The following ANKHD1 variants were observed in gnomAD, a reference collection of about 807,000 sequenced individuals.
The protein encoded by ANKHD1 is ankyrin repeat and KH domain containing 1.
Under a neutral mutation model 230.5 loss-of-function variants are expected in ANKHD1, and 31 were observed. That is an observed-to-expected ratio of 0.13 (90% CI 0.10 to 0.18). The LOEUF (loss-of-function observed/expected upper bound fraction) is 0.18. Among genes scored for constraint, ANKHD1 ranks in the 10% least tolerant of loss-of-function variants. ANKHD1 has a pLI of 1.00. For missense variants in ANKHD1, 2,256 were observed against 3,071.3 expected (o/e 0.73, Z 6.27); for synonymous variants, 1,074 against 1,117.6 (o/e 0.96, Z 0.78).
chr5:140,478,525 A>C (rs1225286724), intron 10 of ANKHD1, among the ~76,000 whole-genome samples: 1 of 152,138 alleles, frequency 6.6e-6, no homozygotes, highest in Non-Finnish European at 1.5e-5. Flanking sequence ...ATCAAAATTG[A>C]CTCTAGAATA....
intron 10 of ANKHD1, among the ~76,000 whole-genome samples, chr5:140,470,200 A>G (rs1311532619): frequency 2.0e-5 from 3 of 152,026 alleles, no homozygotes; most frequent in Non-Finnish European, 4.4e-5. Context: ...AAATTCTTTC[A>G]TTATACTTAA....
intron 1 of ANKHD1, among the ~76,000 whole-genome samples, chr5:140,405,524 A>G (rs1181676086): frequency 6.6e-6 from 1 of 152,182 alleles, no homozygotes; most frequent in Non-Finnish European, 1.5e-5. Flanking sequence ...ATTGCCTTTG[A>G]ATTTTCAGTG....
chr5:140,417,071 C>T (rs1433142755), intron 1 of ANKHD1, among the ~76,000 whole-genome samples: 3 of 152,058 alleles, frequency 2.0e-5, no homozygotes, highest in Non-Finnish European at 4.4e-5. Flanking sequence ...CTGATGTTCT[C>T]CCTGAAGCCA....
Position 140,485,397 on chromosome 5 carries a change from AACACAC to A in ANKHD1, c.1999-167_1999-162del, listed in dbSNP as rs55859898. ...CATAAGGAGACCCCATCTCTATTAA[AACACAC>A]ACACACACACACACACACACACACG... On this transcript the variant is annotated intron_variant, in intron 12 of 33. Transcript: ENST00000360839. The surrounding 1 kb of genome is among the most constrained non-coding windows in gnomAD (Gnocchi z 4.8). The A allele has an allele frequency of 3.2e-5, 21 of 665,798 alleles. No homozygotes were observed. Among genetic ancestry groups the A allele is most frequent in the South Asian group, 5.6e-5 (2 of 35,488 alleles). The allele number at this position is 665,798 out of a possible 1,614,324, so 41.2% of individuals were successfully genotyped here. A position where few individuals can be genotyped will look rare whatever the true frequency, so the allele number is the denominator to read the frequency against.
intron 15 of ANKHD1, among the ~76,000 whole-genome samples, chr5:140,501,993 A>T (rs1282897803): frequency 6.6e-6 from 1 of 151,758 alleles, no homozygotes; most frequent in East Asian, 1.9e-4. Context: ...CATGAGGCCA[A>T]GAGTTCAAGA....
chr5:140,468,540 TCTTATG>T (rs1776273446), intron 10 of ANKHD1, among the ~76,000 whole-genome samples: 1 of 152,180 alleles, frequency 6.6e-6, no homozygotes, highest in Non-Finnish European at 1.5e-5. Flanking sequence ...AAGAAAAATA[TCTTATG>T]GATCAGTTTA....
At chr5:140,433,065 A>AAAAAAAAC in intron 1 of ANKHD1, among the ~76,000 whole-genome samples, 1 of 137,250 alleles carries the variant, frequency 7.3e-6, no homozygotes, top group African/African-American at 2.8e-5. Context: ...CCCCCCCCCA[A>AAAAAAAAC]AAAAAAAACG....
intron 14 of ANKHD1, among the ~76,000 whole-genome samples, chr5:140,491,366 T>C (rs1346510155): frequency 2.6e-5 from 4 of 151,400 alleles, no homozygotes; most frequent in African/African-American, 9.7e-5. Context: ...GGTTTTGCCA[T>C]GTTGCCCAGG....
chr5:140,488,731 C>G (rs1286757256), intron 14 of ANKHD1, among the ~76,000 whole-genome samples: 1 of 152,032 alleles, frequency 6.6e-6, no homozygotes, highest in Non-Finnish European at 1.5e-5. Context: ...GAAATCCCAT[C>G]TCTACTAAAA....
chr5:140,421,296 CTTTTTTTTT>C (rs35408466), intron 1 of ANKHD1, among the ~76,000 whole-genome samples: 5 of 94,526 alleles, frequency 5.3e-5, no homozygotes, highest in African/African-American at 1.9e-4. Flanking sequence ...AGAGTTTTTA[CTTTTTTTTT>C]TTTTTTTTTT....
intron 31 of ANKHD1, 66 bp from the exon 32 acceptor site, chr5:140,538,020 C>T (rs1489721454): frequency 9.8e-6 from 15 of 1,537,820 alleles, no homozygotes; most frequent in African/African-American, 4.1e-5. Flanking sequence ...TTGGTAATAA[C>T]AATGGTAATG....
At position 140,527,319 on chromosome 5, in the gene ANKHD1, A is replaced by G; in HGVS notation, c.5087+245A>G. 1 of 382,364 alleles carries G rather than the reference A, an allele frequency of 2.6e-6. No individual in the cohort carries two copies. Among genetic ancestry groups the G allele is most frequent in the Non-Finnish European group, 4.5e-6 (1 of 220,944 alleles). 23.7% of individuals were successfully genotyped at this position (382,364 alleles called of 1,614,324 possible). On this transcript the variant is annotated intron_variant, in intron 27 of 33. Coordinates refer to ENST00000360839, the MANE Select transcript of ANKHD1 (RefSeq NM_017747.3). The surrounding 1 kb of genome is among the most constrained non-coding windows in gnomAD (Gnocchi z 4.5). ...CTCAGTTGCTTTTTATGTAGTTCAA[A>G]TGTAAAGGCTTTCTCTTGCTTTTTT...
intron 7 of ANKHD1, among the ~76,000 whole-genome samples, chr5:140,456,075 CAGAG>C (rs1775161315): frequency 6.6e-6 from 1 of 152,112 alleles, no homozygotes; most frequent in Non-Finnish European, 1.5e-5. Flanking sequence ...CAATAACAGA[CAGAG>C]AGCCAAATCA....
chr5:140,462,674 G>A (rs77280862), intron 9 of ANKHD1, among the ~76,000 whole-genome samples: 2 of 130,428 alleles, frequency 1.5e-5, no homozygotes, highest in East Asian at 5.2e-4. Context: ...GCAGTGAGCC[G>A]AGATGGTGCC....
At chr5:140,494,673 A>T (rs940916207) in intron 14 of ANKHD1, among the ~76,000 whole-genome samples, 3 of 151,396 alleles carry the variant, frequency 2.0e-5, no homozygotes, top group Non-Finnish European at 4.4e-5. Context: ...TGAATCTCTA[A>T]TTTTTTTTTC....
chr5:140,446,794 T>C (rs930331794), intron 6 of ANKHD1, among the ~76,000 whole-genome samples: 2 of 152,220 alleles, frequency 1.3e-5, no homozygotes, highest in African/African-American at 4.8e-5. Context: ...AACATATATA[T>C]ATTTTAAACA....
chr5:140,538,822 G>A (rs1754188549), intron 32 of ANKHD1, 97 bp from the exon 33 acceptor site: 3 of 1,257,016 alleles, frequency 2.4e-6, no homozygotes, highest in Non-Finnish European at 3.0e-6. Context: ...CTTTAAATGA[G>A]GAATATTAGA....
chr5:140,453,721 C>T (rs1336681806), intron 7 of ANKHD1, among the ~76,000 whole-genome samples: 1 of 152,156 alleles, frequency 6.6e-6, no homozygotes, highest in Admixed American at 6.5e-5. Flanking sequence ...AAGCACTAAA[C>T]ATGGAAAGGA....
chr5:140,532,363 GA>G (rs1462610060), intron 29 of ANKHD1, among the ~76,000 whole-genome samples: 5 of 152,310 alleles, frequency 3.3e-5, no homozygotes, highest in Admixed American at 1.3e-4. Flanking sequence ...CATAGAGACA[GA>G]AAGTAGATTA....
Sources: gnomAD v4.1 joint callset for allele counts (sites outside exome capture counted in the v4.1 genomes callset) on GRCh38, gnomAD v4.1.1 for gene constraint, Gnocchi (gnomAD v3.1) non-coding constraint, MANE v1.5 for transcripts, NCBI Gene and HGNC (gene_info 2026-07-23, HGNC 2026-07-21) for gene names.